The following MYO5B variants were observed in gnomAD, a reference collection of about 807,000 sequenced individuals.
MYO5B encodes the protein unconventional myosin-Vb.
A neutral mutation model predicts 229.3 loss-of-function variants in MYO5B; 143 were observed. The observed-to-expected ratio is 0.62, with a 90% CI of 0.54 to 0.72. The LOEUF is 0.72. Among genes scored for constraint, MYO5B ranks in the 30% least tolerant of loss-of-function variants. The probability of loss-of-function intolerance (pLI) is 0.00; values close to 1 mark genes in which losing one functional copy is unlikely to be tolerated. For missense variants in MYO5B, 2,321 were observed against 2,331.0 expected, an observed-to-expected ratio of 1.00 and a Z score of 0.09; for synonymous variants, 918 against 885.2, an observed-to-expected ratio of 1.04 and a Z score of -0.66.
Position 50,146,000 on chromosome 18 carries a change from A to T in MYO5B, c.27+48767T>A, listed in dbSNP as rs558908949. ...ACTTTGTTTTGTAAATTAAAGGAGC[A>T]GCCCTTCCCAATATACAAATTACTA... is the stretch of plus-strand genomic sequence containing the variant. On this transcript the variant is annotated intron_variant, in intron 1 of 39. Transcript: ENST00000285039. Among the ~76,000 whole-genome samples, 5 of 152,386 alleles carry T rather than the reference A, an allele frequency of 3.3e-5. No individual in the cohort carries two copies. The South Asian group carries it at 1.0e-3, about 32-fold the overall frequency.
chr18:49,868,171 CAG>C (rs1182528154), intron 27 of MYO5B, among the ~76,000 whole-genome samples: 1 of 152,050 alleles, frequency 6.6e-6, no homozygotes, highest in Non-Finnish European at 1.5e-5. Flanking sequence ...CAAATAATAT[CAG>C]AGACTGCCTT....
At chr18:50,076,139 T>C (rs2031072853) in intron 1 of MYO5B, among the ~76,000 whole-genome samples, 1 of 152,210 alleles carries the variant, frequency 6.6e-6, no homozygotes, top group African/African-American at 2.4e-5. Context: ...ATTTCCTTTT[T>C]CTTCTTTTTA....
At chr18:50,128,199 T>A (rs2144542671) in intron 1 of MYO5B, among the ~76,000 whole-genome samples, 1 of 152,262 alleles carries the variant, frequency 6.6e-6, no homozygotes, top group African/African-American at 2.4e-5. Flanking sequence ...CTACTATTGG[T>A]TTGGCAGAGA....
intron 1 of MYO5B, among the ~76,000 whole-genome samples, chr18:50,110,915 C>T (rs1298851109): frequency 6.6e-6 from 1 of 152,140 alleles, no homozygotes; most frequent in African/African-American, 2.4e-5. Context: ...CAAAACATAT[C>T]AGAAGAAGAT....
chr18:50,037,212 C>T (rs535274914), intron 3 of MYO5B, among the ~76,000 whole-genome samples: 1 of 149,704 alleles, frequency 6.7e-6, no homozygotes, highest in South Asian at 2.1e-4. Flanking sequence ...CATACACACA[C>T]ACAAACACAC....
chr18:49,943,140 T>G (rs1261726441), intron 14 of MYO5B, among the ~76,000 whole-genome samples: 1 of 144,592 alleles, frequency 6.9e-6, no homozygotes, highest in Non-Finnish European at 1.5e-5. Context: ...ACCACATGTT[T>G]TCACTCATAG....
chr18:49,964,383 T>G lies in MYO5B; in HGVS notation c.1323-1353A>C, dbSNP rs182246409. Among the ~76,000 whole-genome samples the G allele has an allele frequency of 9.9e-4, 150 of 152,266 alleles. 1 individual carries two copies. The highest frequency in any genetic ancestry group is 1.5e-3 in the Non-Finnish European group (99 of 68,020). ...TCTTAAATTTTTTTTTCTCAACTTC[T>G]GTTGATGGGTGATGCATTTTTGATA... On this transcript the variant is annotated intron_variant, in intron 10 of 39. Coordinates refer to ENST00000285039, the MANE Select transcript of MYO5B (RefSeq NM_001080467.3).
chr18:49,849,687 A>G (rs1003023431), intron 31 of MYO5B, 27 bp from the exon 32 acceptor site: 1 of 1,570,776 alleles, frequency 6.4e-7, no homozygotes, highest in African/African-American at 1.3e-5. Flanking sequence ...CAGTGTGAGA[A>G]CAGACATCAG....
chr18:49,910,303 T>C (rs16951208), intron 18 of MYO5B, among the ~76,000 whole-genome samples: 3,004 of 152,258 alleles, frequency 0.02, 109 homozygotes, highest in African/African-American at 0.07. Flanking sequence ...ATCAGAGGTC[T>C]TGGTGGTAAT....
Position 49,835,394 on chromosome 18 carries a change from G to C in MYO5B, c.5344C>G (p.Leu1782Val). 1.2e-6 allele frequency: 2 copies of C among 1,612,590 alleles called. No individual in the cohort carries two copies. The highest frequency in any genetic ancestry group is 1.7e-6 in the Non-Finnish European group (2 of 1,179,572). ...GTTACCCGTTCTTCAAATTCATTCAGGGGAGTATAAAGGTTTAAAATTTTG... is the reference window on the plus strand; with the variant it reads ...GTTACCCGTTCTTCAAATTCATTCACGGGAGTATAAAGGTTTAAAATTTTG... ...IVKILNLYTP[L>V]NEFEERVTVA... Residue 1782 changes from leucine (L) to valine (V), a missense_variant, in exon 39 of 40, where the codon CTG (leucine) becomes GTG (valine). Leu to Val is a conservative substitution (Grantham distance 32). Coordinates refer to ENST00000285039, the MANE Select transcript of MYO5B (RefSeq NM_001080467.3).
intron 1 of MYO5B, among the ~76,000 whole-genome samples, chr18:50,106,749 C>A (rs887638848): frequency 1.3e-5 from 2 of 152,234 alleles, no homozygotes; most frequent in Admixed American, 6.5e-5. Context: ...TCAGACAATT[C>A]ATCTGTGTCC....
chr18:50,194,635 GA>G, intron 1 of MYO5B, 131 bp downstream of exon 1: 1 of 614,760 alleles, frequency 1.6e-6, no homozygotes, highest in Non-Finnish European at 2.8e-6. Flanking sequence ...CAGTGACGAG[GA>G]GGACACCGCG....
chr18:49,844,584 C>G (rs576960829), intron 33 of MYO5B, among the ~76,000 whole-genome samples: 10 of 152,346 alleles, frequency 6.6e-5, no homozygotes, highest in African/African-American at 2.4e-4. Context: ...TCCAACGCAT[C>G]CTTCTAGTTA....
At chr18:49,849,055 A>AAAGAGTGTG (rs2024166981) in intron 32 of MYO5B, among the ~76,000 whole-genome samples, 1 of 151,910 alleles carries the variant, frequency 6.6e-6, no homozygotes, top group Non-Finnish European at 1.5e-5. Context: ...AGGGTGACAT[A>AAAGAGTGTG]TGTAAAGAGT....
chr18:50,064,529 T>C (rs1454701504), intron 1 of MYO5B: 1 of 152,216 alleles, frequency 6.6e-6, no homozygotes, highest in Non-Finnish European at 1.5e-5. Context: ...ATTAAAAATC[T>C]TTAAGTCACT....
intron 4 of MYO5B, among the ~76,000 whole-genome samples, chr18:50,008,249 C>T (rs181391208): frequency 1.3e-5 from 2 of 152,166 alleles, no homozygotes; most frequent in Non-Finnish European, 1.5e-5. Flanking sequence ...TCATAGCACT[C>T]ACTATACAGT....
intron 1 of MYO5B, among the ~76,000 whole-genome samples, chr18:50,140,721 G>C (rs78359549): frequency 1.3e-5 from 2 of 152,138 alleles, no homozygotes; most frequent in Non-Finnish European, 2.9e-5. Flanking sequence ...CATTAGGGCC[G>C]ACTGTCTAGT....
At chr18:49,973,858 G>A (rs1257852870) in intron 10 of MYO5B, among the ~76,000 whole-genome samples, 1 of 152,160 alleles carries the variant, frequency 6.6e-6, no homozygotes, top group African/African-American at 2.4e-5. Context: ...CCTCAGGAAT[G>A]ACCACACACA....
intron 1 of MYO5B, among the ~76,000 whole-genome samples, chr18:50,061,369 G>A (rs2030682228): frequency 6.6e-6 from 1 of 152,152 alleles, no homozygotes; most frequent in South Asian, 2.1e-4. Flanking sequence ...GATGATGATG[G>A]TGATATTACT....
Sources: allele counts gnomAD v4.1 joint callset (sites outside exome capture counted in the v4.1 genomes callset), GRCh38; gene constraint gnomAD v4.1.1; transcripts MANE v1.5; gene names NCBI Gene and HGNC (gene_info 2026-07-23, HGNC 2026-07-21).